ERC2: variants seen among roughly 807,000 people sequenced by gnomAD.
ERC2 encodes ERC protein 2.
In ERC2, 42 loss-of-function variants were observed where a neutral mutation model predicts 114.8. The observed-to-expected ratio is 0.37, with a 90% CI of 0.29 to 0.47. ERC2 has a LOEUF of 0.47. Among genes scored for constraint, ERC2 ranks in the 20% least tolerant of loss-of-function variants. The pLI is 0.99. For synonymous variants in ERC2, 454 were observed against 425.5 expected (o/e 1.07, Z -0.82); for missense variants, 939 against 1,150.7 (o/e 0.82, Z 2.66).
chr3:56,226,996 A>G (rs934100298), intron 3 of ERC2, among the ~76,000 whole-genome samples: 2 of 152,094 alleles, frequency 1.3e-5, no homozygotes, highest in African/African-American at 2.4e-5. Context: ...CCTCCAGCTT[A>G]CTTGCTCAAC....
intron 14 of ERC2, among the ~76,000 whole-genome samples, chr3:55,781,824 A>T (rs1335925056): frequency 6.6e-6 from 1 of 150,810 alleles, no homozygotes; most frequent in African/African-American, 2.4e-5. Flanking sequence ...GTGAGCCGAG[A>T]TCGCCCTACT....
intron 14 of ERC2, among the ~76,000 whole-genome samples, chr3:55,884,623 T>C (rs1288228390): frequency 6.6e-6 from 1 of 152,064 alleles, no homozygotes; most frequent in African/African-American, 2.4e-5. Context: ...GTAAGAGCCA[T>C]GGAACATGAA....
chr3:55,588,717 A>G (rs1316012522), intron 17 of ERC2, among the ~76,000 whole-genome samples: 1 of 152,124 alleles, frequency 6.6e-6, no homozygotes, highest in Non-Finnish European at 1.5e-5. Flanking sequence ...ACAGCACATC[A>G]CAAAAGTGGG....
chr3:56,385,052 C>T (rs985769759), intron 2 of ERC2, among the ~76,000 whole-genome samples: 12 of 152,130 alleles, frequency 7.9e-5, no homozygotes, highest in African/African-American at 2.9e-4. Context: ...AGCTCTCCAA[C>T]CTCCATTCCC....
At chr3:55,924,453 T>G (rs920326571) in intron 13 of ERC2, among the ~76,000 whole-genome samples, 2 of 152,154 alleles carry the variant, frequency 1.3e-5, no homozygotes, top group African/African-American at 2.4e-5. Context: ...CTAGATATTC[T>G]ATCTTCAGTC....
chr3:55,902,926 T>G (rs1225619532), intron 13 of ERC2, among the ~76,000 whole-genome samples: 1 of 152,220 alleles, frequency 6.6e-6, no homozygotes, highest in African/African-American at 2.4e-5. Context: ...ACAACCAAAG[T>G]ACACATCCTG....
At chr3:55,597,698 T>G (rs1263130000) in intron 17 of ERC2, among the ~76,000 whole-genome samples, 1 of 152,162 alleles carries the variant, frequency 6.6e-6, no homozygotes, top group African/African-American at 2.4e-5. Flanking sequence ...TGAAATATAA[T>G]GTATTTGCAA....
chr3:56,152,612 T>G (rs780219627), intron 4 of ERC2, among the ~76,000 whole-genome samples: 10 of 152,126 alleles, frequency 6.6e-5, no homozygotes, highest in Non-Finnish European at 1.5e-4. Context: ...AGGGCAACCA[T>G]GAAATTGTTT....
At chr3:56,317,268 C>G (rs2056909777) in intron 2 of ERC2, among the ~76,000 whole-genome samples, 1 of 152,118 alleles carries the variant, frequency 6.6e-6, no homozygotes, top group Non-Finnish European at 1.5e-5. Context: ...GAGTGAAGGG[C>G]ACGGGCAAAG....
At chr3:55,851,225 C>T (rs562284124) in intron 14 of ERC2, among the ~76,000 whole-genome samples, 2 of 149,370 alleles carry the variant, frequency 1.3e-5, no homozygotes, top group Admixed American at 6.7e-5. Flanking sequence ...GATGAGAATG[C>T]ACATGGTAAC....
At chr3:56,390,216 C>T (rs2060079553) in intron 2 of ERC2, among the ~76,000 whole-genome samples, 1 of 152,150 alleles carries the variant, frequency 6.6e-6, no homozygotes, top group Non-Finnish European at 1.5e-5. Flanking sequence ...ATATTTTACA[C>T]TGCATAAAAT....
chr3:55,527,536 C>A (rs534770090), intron 17 of ERC2, among the ~76,000 whole-genome samples: 1 of 152,314 alleles, frequency 6.6e-6, no homozygotes, highest in East Asian at 1.9e-4. Context: ...CATGACAACT[C>A]TGTGACATAG....
intron 7 of ERC2, among the ~76,000 whole-genome samples, chr3:56,055,904 T>G (rs2075992279): frequency 6.6e-6 from 1 of 152,200 alleles, no homozygotes; most frequent in African/African-American, 2.4e-5. Context: ...GGCTCCAGGT[T>G]TCATGGGGCC....
chr3:55,675,707 A>G (rs867996369), intron 17 of ERC2, among the ~76,000 whole-genome samples: 3 of 152,054 alleles, frequency 2.0e-5, no homozygotes, highest in Non-Finnish European at 4.4e-5. Context: ...ACAAGTCTCA[A>G]AATGAAACCT....
intron 3 of ERC2, among the ~76,000 whole-genome samples, chr3:56,212,522 C>T (rs1468299477): frequency 6.6e-6 from 1 of 152,154 alleles, no homozygotes; most frequent in Non-Finnish European, 1.5e-5. Flanking sequence ...TAAATTAATA[C>T]AACCACTGTG....
At chr3:56,109,917 T>C (rs1391083256) in intron 6 of ERC2, among the ~76,000 whole-genome samples, 1 of 152,182 alleles carries the variant, frequency 6.6e-6, no homozygotes, top group Non-Finnish European at 1.5e-5. Context: ...TTCAACTGTA[T>C]GTACAGCCAA....
intron 10 of ERC2, among the ~76,000 whole-genome samples, chr3:55,996,899 C>T (rs773430707): frequency 2.6e-5 from 4 of 152,070 alleles, no homozygotes. Context: ...AGTTAAGAAG[C>T]CAAAAATGGC....
chr3:55,526,398 C>G (rs1359121817), intron 17 of ERC2, among the ~76,000 whole-genome samples: 1 of 152,202 alleles, frequency 6.6e-6, no homozygotes, highest in Non-Finnish European at 1.5e-5. Context: ...CTCCAGGCAG[C>G]CTTGGTGCTG....
intron 14 of ERC2, among the ~76,000 whole-genome samples, chr3:55,767,727 A>G (rs1415727401): frequency 1.3e-5 from 2 of 152,194 alleles, no homozygotes; most frequent in South Asian, 2.1e-4. Flanking sequence ...TGAACAACAA[A>G]TAACTGATGT....
Sources: gnomAD v4.1 joint callset for allele counts (sites outside exome capture counted in the v4.1 genomes callset) on GRCh38, gnomAD v4.1.1 for gene constraint, MANE v1.5 for transcripts, NCBI Gene and HGNC (gene_info 2026-07-23, HGNC 2026-07-21) for gene names.